The following GLDC variants were observed in gnomAD, a reference collection of about 807,000 sequenced individuals.
GLDC encodes glycine decarboxylase, also known as glycine dehydrogenase (decarboxylating), mitochondrial.
In GLDC, 104 loss-of-function variants were observed where a neutral mutation model predicts 121.3. The ratio of observed to expected loss-of-function variants is 0.86; its 90% confidence interval spans 0.73 to 1.01. GLDC has a LOEUF of 1.01. GLDC is among the 50% of genes least tolerant of loss of function. GLDC has a pLI of 0.00. For synonymous variants in GLDC, 546 were observed against 480.6 expected (o/e 1.14, Z -1.78); for missense variants, 1,429 against 1,306.6 (o/e 1.09, Z -1.44).
intron 15 of GLDC, among the ~76,000 whole-genome samples, chr9:6,583,429 C>T (rs1818209173): frequency 6.6e-6 from 1 of 152,196 alleles, no homozygotes; most frequent in African/African-American, 2.4e-5. Flanking sequence ...AATCCCAGGA[C>T]TTTGGGAGGC....
chr9:6,619,489 A>G (rs1293101127), intron 3 of GLDC, among the ~76,000 whole-genome samples: 1 of 152,098 alleles, frequency 6.6e-6, no homozygotes, highest in Non-Finnish European at 1.5e-5. Flanking sequence ...GCACTTTGGG[A>G]GGCTGAAGCG....
intron 8 of GLDC, among the ~76,000 whole-genome samples, chr9:6,600,777 CACA>C (rs1818593226): frequency 6.6e-6 from 1 of 152,134 alleles, no homozygotes; most frequent in Admixed American, 6.6e-5. Context: ...GGCTGGGTTT[CACA>C]AACACTTCGA....
chr9:6,608,271 C>G (rs554009080), intron 4 of GLDC, among the ~76,000 whole-genome samples: 55 of 128,664 alleles, frequency 4.3e-4, no homozygotes, highest in Non-Finnish European at 7.8e-4. Flanking sequence ...AAAAAAAAAC[C>G]CTTAGCCGGG....
At chr9:6,580,755 C>A (rs751468916) in intron 15 of GLDC, among the ~76,000 whole-genome samples, 2 of 152,240 alleles carry the variant, frequency 1.3e-5, no homozygotes, top group Non-Finnish European at 2.9e-5. Flanking sequence ...CTCCATAACA[C>A]TTCCTGATCC....
chr9:6,635,698 C>A (rs1050352228), intron 2 of GLDC, among the ~76,000 whole-genome samples: 2 of 151,780 alleles, frequency 1.3e-5, no homozygotes, highest in East Asian at 1.9e-4. Flanking sequence ...CATATTGAGA[C>A]CCCCATGTCT....
At chr9:6,562,967 C>T (rs1003877485) in intron 16 of GLDC, among the ~76,000 whole-genome samples, 2 of 152,224 alleles carry the variant, frequency 1.3e-5, no homozygotes, top group South Asian at 2.1e-4. Context: ...CCCTTTCCCC[C>T]TCTCCCTGAA....
At chr9:6,639,668 A>AATATATATATATAT in intron 2 of GLDC, 30 of 250,538 alleles carry the variant, frequency 1.2e-4, no homozygotes, top group Middle Eastern at 2.4e-3. Flanking sequence ...ATAAAAAAAA[A>AATATATATATATAT]GTATATATAT....
intron 12 of GLDC, among the ~76,000 whole-genome samples, chr9:6,588,981 T>C (rs1818323089): frequency 6.6e-6 from 1 of 152,200 alleles, no homozygotes; most frequent in African/African-American, 2.4e-5. Context: ...TATTCATCCC[T>C]GCTTCCTGAC....
At chr9:6,600,999 C>T (rs141935953) in intron 8 of GLDC, among the ~76,000 whole-genome samples, 1 of 152,140 alleles carries the variant, frequency 6.6e-6, no homozygotes, top group East Asian at 1.9e-4. Context: ...ATGGTGAAAC[C>T]CCGTCTCTAC....
intron 16 of GLDC, among the ~76,000 whole-genome samples, chr9:6,562,829 G>A (rs916912200): frequency 6.6e-6 from 1 of 152,228 alleles, no homozygotes; most frequent in African/African-American, 2.4e-5. Flanking sequence ...CCAATGTGCT[G>A]GGATTACAGG....
chr9:6,548,892 A>G (rs1287373962), intron 21 of GLDC, among the ~76,000 whole-genome samples: 1 of 151,580 alleles, frequency 6.6e-6, no homozygotes, highest in East Asian at 1.9e-4. Flanking sequence ...TGTTGTTTTC[A>G]TAGTTAAAAA....
chr9:6,638,246 G>A (rs1819549413), intron 2 of GLDC, among the ~76,000 whole-genome samples: 1 of 151,078 alleles, frequency 6.6e-6, no homozygotes, highest in South Asian at 2.1e-4. Flanking sequence ...GAGTCTCACT[G>A]TCGCCCAGGC....
chr9:6,631,584 G>A (rs1264075408), intron 2 of GLDC, among the ~76,000 whole-genome samples: 1 of 152,180 alleles, frequency 6.6e-6, no homozygotes, highest in Non-Finnish European at 1.5e-5. Flanking sequence ...GCTGACCTAT[G>A]TATTCAGGCC....
intron 2 of GLDC, among the ~76,000 whole-genome samples, chr9:6,642,635 A>G (rs969292319): frequency 1.9e-4 from 29 of 152,212 alleles, no homozygotes; most frequent in African/African-American, 6.5e-4. Context: ...TTAATGTTCA[A>G]ATTATTCAGC....
At chr9:6,553,536 GAA>G in intron 19 of GLDC, 27 bp from the exon 20 acceptor site, 2 of 1,611,540 alleles carry the variant, frequency 1.2e-6, no homozygotes, top group Non-Finnish European at 1.7e-6. Flanking sequence ...TGCAAATTCA[GAA>G]AATGTAAACG....
chr9:6,623,739 T>G (rs907386802), intron 2 of GLDC, among the ~76,000 whole-genome samples: 2 of 152,242 alleles, frequency 1.3e-5, no homozygotes, highest in Non-Finnish European at 2.9e-5. Flanking sequence ...GATCTTGCCT[T>G]CTTCCATTGA....
chr9:6,624,548 G>A (rs1819191736), intron 2 of GLDC, among the ~76,000 whole-genome samples: 1 of 152,132 alleles, frequency 6.6e-6, no homozygotes, highest in Admixed American at 6.5e-5. Context: ...CTACGGAACT[G>A]GGAGTGAACA....
intron 20 of GLDC, among the ~76,000 whole-genome samples, chr9:6,552,280 T>C (rs948065522): frequency 3.3e-5 from 5 of 152,186 alleles, no homozygotes; most frequent in African/African-American, 9.6e-5. Context: ...TCCAGGCATG[T>C]AGCCAAACCA....
chr9:6,598,260 A>C (rs566123181), intron 8 of GLDC, among the ~76,000 whole-genome samples: 1 of 152,246 alleles, frequency 6.6e-6, no homozygotes, highest in East Asian at 1.9e-4. Context: ...TAAACTGCTG[A>C]ACTCAAGTAA....
Sources: allele counts gnomAD v4.1 joint callset (sites outside exome capture counted in the v4.1 genomes callset), GRCh38; gene constraint gnomAD v4.1.1; transcripts MANE v1.5; gene names NCBI Gene and HGNC (gene_info 2026-07-23, HGNC 2026-07-21).